Variants in KIF18A observed in about 807,000 individuals in gnomAD.
KIF18A encodes kinesin family member 18A.
In KIF18A, 67 loss-of-function variants were observed where a neutral mutation model predicts 103.3. That is an observed-to-expected ratio of 0.65 (90% CI 0.53 to 0.79). KIF18A has a LOEUF of 0.79. Among genes scored for constraint, KIF18A ranks in the 30% least tolerant of loss-of-function variants. The pLI, the probability that KIF18A is intolerant of heterozygous loss-of-function variation, is 0.00. For synonymous variants in KIF18A, 367 were observed against 355.5 expected, an observed-to-expected ratio of 1.03 and a Z score of -0.36; for missense variants, 1,032 against 1,062.5, an observed-to-expected ratio of 0.97 and a Z score of 0.40.
intron 12 of KIF18A, 86 bp from the exon 13 acceptor site, chr11:28,059,247 AT>A: frequency 1.1e-6 from 1 of 882,202 alleles, no homozygotes. Flanking sequence ...CACCCAAAGC[AT>A]TAGCATATCA....
At chr11:28,035,529 T>C in intron 14 of KIF18A, 35 bp from the exon 15 acceptor site, 2 of 1,277,592 alleles carry the variant, frequency 1.6e-6, no homozygotes, top group South Asian at 1.7e-5. Context: ...AAAATAATAA[T>C]TTTGATTTGA....
chr11:28,032,708 G>C (rs1209296685), intron 15 of KIF18A, among the ~76,000 whole-genome samples: 1 of 151,764 alleles, frequency 6.6e-6, no homozygotes, highest in African/African-American at 2.4e-5. Context: ...GCAATATACA[G>C]AAATGAAATC....
chr11:28,088,795 T>C (rs1456131897), intron 5 of KIF18A, 74 bp from the exon 6 acceptor site: 3 of 1,125,106 alleles, frequency 2.7e-6, no homozygotes, highest in Non-Finnish European at 3.9e-6. Flanking sequence ...TATACTTTAA[T>C]AGAGCACAAA....
At chr11:28,073,611 C>G (rs907579089) in intron 10 of KIF18A, among the ~76,000 whole-genome samples, 3 of 152,098 alleles carry the variant, frequency 2.0e-5, no homozygotes, top group Non-Finnish European at 2.9e-5. Context: ...TTAGATCTAT[C>G]TCATAGGCTT....
intron 13 of KIF18A, among the ~76,000 whole-genome samples, chr11:28,043,256 T>C (rs1850584286): frequency 6.6e-6 from 1 of 151,968 alleles, no homozygotes; most frequent in South Asian, 2.1e-4. Context: ...TGAGATACTC[T>C]TGGGCAAAGG....
intron 12 of KIF18A, among the ~76,000 whole-genome samples, chr11:28,061,838 A>AC (rs1481532095): frequency 6.6e-6 from 1 of 152,084 alleles, no homozygotes; most frequent in Non-Finnish European, 1.5e-5. Flanking sequence ...ATCCAATGTG[A>AC]CAAAAAAAAG....
intron 2 of KIF18A, among the ~76,000 whole-genome samples, chr11:28,096,877 TC>T (rs1851382527): frequency 6.6e-6 from 1 of 150,426 alleles, no homozygotes; most frequent in East Asian, 1.9e-4. Context: ...TCTCTCTCTC[TC>T]TCTCTTTTTT....
chr11:28,056,531 G>C (rs991804105), intron 13 of KIF18A, among the ~76,000 whole-genome samples: 12 of 151,956 alleles, frequency 7.9e-5, no homozygotes, highest in Admixed American at 7.9e-4. Flanking sequence ...AGTGACAAAA[G>C]CAATAGGTGA....
intron 1 of KIF18A, among the ~76,000 whole-genome samples, chr11:28,101,777 G>A (rs1851448871): frequency 6.6e-6 from 1 of 152,128 alleles, no homozygotes; most frequent in African/African-American, 2.4e-5. Context: ...GGTTAACAGT[G>A]CTTTATAAGA....
At chr11:28,063,628 A>G (rs1850882483) in intron 11 of KIF18A, among the ~76,000 whole-genome samples, 1 of 152,076 alleles carries the variant, frequency 6.6e-6, no homozygotes, top group Non-Finnish European at 1.5e-5. Flanking sequence ...ACACCAAAGT[A>G]TAAATGGTGA....
chr11:28,068,769 A>G (rs1316467724), intron 11 of KIF18A, among the ~76,000 whole-genome samples: 1 of 152,190 alleles, frequency 6.6e-6, no homozygotes, highest in Non-Finnish European at 1.5e-5. Flanking sequence ...TGTTAAGAGA[A>G]CAAAAGACAG....
At chr11:28,066,760 A>G (rs1162282705) in intron 11 of KIF18A, among the ~76,000 whole-genome samples, 1 of 150,024 alleles carries the variant, frequency 6.7e-6, no homozygotes, top group Non-Finnish European at 1.5e-5. Context: ...CAAAAAGGTC[A>G]GAATCATTGT....
At chr11:28,077,917 T>C (rs1337450409) in intron 9 of KIF18A, among the ~76,000 whole-genome samples, 2 of 152,144 alleles carry the variant, frequency 1.3e-5, no homozygotes, top group African/African-American at 4.8e-5. Context: ...TTCAAGCTGA[T>C]TAAATTTTAT....
At position 28,062,423 on chromosome 11, in the gene KIF18A, G is replaced by T. The variant is rs1446697004; in HGVS notation, c.1684C>A (p.Gln562Lys). 6.2e-7 allele frequency: 1 copy of T among 1,611,074 alleles called. No homozygotes were observed. Among genetic ancestry groups the T allele is most frequent in the South Asian group, 1.1e-5 (1 of 90,632 alleles). Reference protein sequence around the residue: ...IRHMMDLACLQEQQHRQTEAV... With the variant: ...IRHMMDLACLKEQQHRQTEAV... The stretch of plus-strand genomic sequence containing the variant: ...TCAGTCTGCCTGTGTTGCTGTTCCT[G>T]AAGACAAGCTAGATCCATCATATGT... The change falls in exon 12 of 17, where the codon CAG (glutamine) becomes AAG (lysine). Residue 562 changes from glutamine (Q) to lysine (K), a missense_variant. Transcript: ENST00000263181.
chr11:28,058,720 C>T (rs1850817751), intron 13 of KIF18A, among the ~76,000 whole-genome samples: 1 of 139,110 alleles, frequency 7.2e-6, no homozygotes, highest in Non-Finnish European at 1.5e-5. Context: ...ATGAATTTTA[C>T]TGCTAGAGTT....
At chr11:28,056,492 G>A (rs1218711773) in intron 13 of KIF18A, among the ~76,000 whole-genome samples, 1 of 152,026 alleles carries the variant, frequency 6.6e-6, no homozygotes, top group Non-Finnish European at 1.5e-5. Flanking sequence ...CAATATAATT[G>A]GAGTCCCAGA....
At chr11:28,076,042 CTAG>C (rs1313331447) in intron 10 of KIF18A, among the ~76,000 whole-genome samples, 1 of 151,664 alleles carries the variant, frequency 6.6e-6, no homozygotes, top group Non-Finnish European at 1.5e-5. Flanking sequence ...TGGTATACCC[CTAG>C]TATAAAGGAT....
At chr11:28,035,075 G>A (rs1850466319) in intron 15 of KIF18A, among the ~76,000 whole-genome samples, 1 of 151,594 alleles carries the variant, frequency 6.6e-6, no homozygotes. Flanking sequence ...GAAGTAAGTA[G>A]AAATAACGAA....
intron 10 of KIF18A, among the ~76,000 whole-genome samples, chr11:28,073,378 T>C (rs1851047057): frequency 6.6e-6 from 1 of 152,150 alleles, no homozygotes; most frequent in African/African-American, 2.4e-5. Context: ...ATCTCATCTT[T>C]CCACCAGGAA....
Sources: allele counts gnomAD v4.1 joint callset (sites outside exome capture counted in the v4.1 genomes callset), GRCh38; gene constraint gnomAD v4.1.1; transcripts MANE v1.5; gene names NCBI Gene and HGNC (gene_info 2026-07-23, HGNC 2026-07-21).